Variants in GLIS3 observed in about 807,000 individuals in gnomAD.
GLIS3 encodes the protein GLIS family zinc finger 3.
GLIS3 carries 53 observed loss-of-function variants against 78.6 expected under a neutral mutation model. That is an observed-to-expected ratio of 0.67 (90% confidence interval 0.54 to 0.85). The LOEUF is 0.85. Among genes scored for constraint, GLIS3 ranks in the 40% least tolerant of loss-of-function variants. GLIS3 has a pLI of 0.00. For missense variants in GLIS3, 1,703 were observed against 1,231.1 expected (o/e 1.38, Z -5.74); for synonymous variants, 684 against 509.9 (o/e 1.34, Z -4.60).
chr9:3,890,400 G>C (rs1200186694), intron 7 of GLIS3, among the ~76,000 whole-genome samples: 11 of 152,090 alleles, frequency 7.2e-5, no homozygotes, highest in African/African-American at 2.4e-4. Flanking sequence ...TGACTACCAA[G>C]TAGTAGCACC....
intron 2 of GLIS3, among the ~76,000 whole-genome samples, chr9:4,191,144 G>C (rs952588504): frequency 6.7e-6 from 1 of 149,066 alleles, no homozygotes; most frequent in East Asian, 2.0e-4. Flanking sequence ...AAAATAACCA[G>C]CTAACATCAT....
At chr9:3,898,571 T>C (rs771699461) in intron 7 of GLIS3, 120 bp downstream of exon 7, 8 of 1,159,376 alleles carry the variant, frequency 6.9e-6, no homozygotes, top group South Asian at 2.5e-5. Flanking sequence ...TTGCAGCCCA[T>C]TGATAAAGAA....
At chr9:4,179,937 C>T (rs553728074) in intron 2 of GLIS3, among the ~76,000 whole-genome samples, 3 of 152,012 alleles carry the variant, frequency 2.0e-5, no homozygotes, top group South Asian at 2.1e-4. Context: ...TTTCTAGCCG[C>T]GTTAACAGCA....
At chr9:4,359,551 G>A in the GLIS3 span, among the ~76,000 whole-genome samples, 1 of 152,162 alleles carries the variant, frequency 6.6e-6, no homozygotes, top group Non-Finnish European at 1.5e-5. Flanking sequence ...GCTTCTGACT[G>A]TTGACAGGGG....
chr9:4,354,480 T>C, the GLIS3 span, among the ~76,000 whole-genome samples: 12 of 152,112 alleles, frequency 7.9e-5, no homozygotes, highest in Non-Finnish European at 1.8e-4. Flanking sequence ...CATCCCAGGA[T>C]CTCACTTTCT....
chr9:4,107,482 A>G (rs1356826808), intron 4 of GLIS3, among the ~76,000 whole-genome samples: 1 of 152,202 alleles, frequency 6.6e-6, no homozygotes, highest in Non-Finnish European at 1.5e-5. Context: ...CATTAGATTG[A>G]AGGATCCTGA....
chr9:4,081,823 A>C (rs1828575885), intron 4 of GLIS3, among the ~76,000 whole-genome samples: 1 of 152,230 alleles, frequency 6.6e-6, no homozygotes, highest in South Asian at 2.1e-4. Context: ...ATTATATACA[A>C]GCAATTCTAC....
the GLIS3 span, among the ~76,000 whole-genome samples, chr9:4,358,118 G>GTGTGTATGTACATATCCATATGTATATA: frequency 4.3e-4 from 66 of 152,290 alleles, no homozygotes; most frequent in East Asian, 7.7e-4. Context: ...GTATGTATAT[G>GTGTGTATGTACATATCCATATGTATATA]TGTGTATGTA....
chr9:4,238,688 T>C (rs1416192739), intron 2 of GLIS3, among the ~76,000 whole-genome samples: 1 of 152,192 alleles, frequency 6.6e-6, no homozygotes, highest in Non-Finnish European at 1.5e-5. Context: ...TGTCTGTGTG[T>C]CATTCCTCAT....
At chr9:3,852,769 T>A (rs1819515418) in intron 9 of GLIS3, among the ~76,000 whole-genome samples, 1 of 152,236 alleles carries the variant, frequency 6.6e-6, no homozygotes, top group South Asian at 2.1e-4. Context: ...GGCACGCCCT[T>A]TGCAACCTCA....
At chr9:3,925,598 TGTGCGCGC>T (rs1825162887) in intron 6 of GLIS3, among the ~76,000 whole-genome samples, 1 of 146,610 alleles carries the variant, frequency 6.8e-6, no homozygotes, top group African/African-American at 2.4e-5. Flanking sequence ...TGTGTGTGCG[TGTGCGCGC>T]GTGTGTGTGT....
chr9:3,981,206 A>G lies in GLIS3; in HGVS notation c.1711-44017T>C, dbSNP rs565802634. On this transcript the variant is annotated intron_variant, in intron 4 of 10. Coordinates refer to ENST00000381971, the MANE Select transcript of GLIS3 (RefSeq NM_001042413.2). The stretch of plus-strand genomic sequence containing the variant: ...CTCTACTGGGACATTTTTAAAATGA[A>G]TTTTGTATTAAAGGAGACAGGACTT... Among the ~76,000 whole-genome samples the G allele has an allele frequency of 3.5e-4, 53 of 152,318 alleles. 1 individual carries two copies. The highest frequency in any genetic ancestry group is 3.3e-3 in the Admixed American group (50 of 15,296).
intron 2 of GLIS3, among the ~76,000 whole-genome samples, chr9:4,183,404 G>C (rs1331518163): frequency 1.3e-5 from 2 of 152,134 alleles, no homozygotes; most frequent in Non-Finnish European, 2.9e-5. Context: ...TAGATATTCT[G>C]AGCAAAGACT....
chr9:4,182,207 C>G (rs188616958), intron 2 of GLIS3, among the ~76,000 whole-genome samples: 14 of 152,258 alleles, frequency 9.2e-5, no homozygotes, highest in African/African-American at 2.9e-4. Flanking sequence ...TGCCATCTGG[C>G]TGAGTTCTGT....
chr9:4,178,525 G>C (rs546216101), intron 2 of GLIS3, among the ~76,000 whole-genome samples: 1 of 152,316 alleles, frequency 6.6e-6, no homozygotes, highest in South Asian at 2.1e-4. Context: ...AATAGTTACA[G>C]AGCTTTGGTG....
At chr9:4,152,249 G>C (rs1448429720) in intron 2 of GLIS3, 1 of 290,666 alleles carries the variant, frequency 3.4e-6, no homozygotes, top group African/African-American at 2.3e-5. Context: ...GGGAACCTTT[G>C]TGAGGCAGGG....
intron 2 of GLIS3, among the ~76,000 whole-genome samples, chr9:4,172,347 G>C (rs189912841): frequency 4.6e-5 from 7 of 152,188 alleles, no homozygotes; most frequent in African/African-American, 1.4e-4. Flanking sequence ...GTATAGGATG[G>C]TCCACTCCAC....
At chr9:3,874,691 C>T (rs1227728743) in intron 8 of GLIS3, among the ~76,000 whole-genome samples, 4 of 152,174 alleles carry the variant, frequency 2.6e-5, no homozygotes, top group African/African-American at 7.2e-5. Context: ...CAGCTGGTGT[C>T]TACTGCACAA....
intron 4 of GLIS3, among the ~76,000 whole-genome samples, chr9:4,097,139 TA>T (rs1830011538): frequency 6.6e-6 from 1 of 152,160 alleles, no homozygotes; most frequent in South Asian, 2.1e-4. Context: ...ATTAGGGCCC[TA>T]AAGGTTTGGC....
Sources: allele counts gnomAD v4.1 joint callset (sites outside exome capture counted in the v4.1 genomes callset), GRCh38; gene constraint gnomAD v4.1.1; transcripts MANE v1.5; gene names NCBI Gene and HGNC (gene_info 2026-07-23, HGNC 2026-07-21).